Variants in OXR1 observed in about 807,000 individuals in gnomAD.
OXR1 encodes the protein oxidation resistance 1, also known as oxidation resistance protein 1.
In OXR1, 41 loss-of-function variants were observed where a neutral mutation model predicts 104.6. The observed-to-expected ratio is 0.39, with a 90% confidence interval of 0.31 to 0.51. The LOEUF (loss-of-function observed/expected upper bound fraction) is 0.51. Ranked by LOEUF, OXR1 falls within the 20% of genes least tolerant of loss-of-function variation. The probability of loss-of-function intolerance (pLI) is 0.77; values close to 1 mark genes in which losing one functional copy is unlikely to be tolerated. For synonymous variants in OXR1, 348 were observed against 348.4 expected (o/e 1.00, Z 0.01); for missense variants, 955 against 1,031.9 (o/e 0.93, Z 1.02).
In OXR1 at chr8:106,506,544, C is replaced by T. The variant is rs188887966; in HGVS notation, c.24-12399C>T. On this transcript the variant is annotated intron_variant, in intron 2 of 16. Coordinates refer to ENST00000517566, the MANE Select transcript of OXR1 (RefSeq NM_001198533.2). The stretch of plus-strand genomic sequence containing the variant: ...AGGAGAATGTTGTGAACCCAGGAGG[C>T]GGAGCTTGCAGTGAGCCTATCACGC... Among the ~76,000 whole-genome samples the T allele has an allele frequency of 5.0e-3, 761 of 152,092 alleles. 6 individuals are homozygous for T. The highest frequency in any genetic ancestry group is 0.018 in the African/African-American group (726 of 41,476).
intron 2 of OXR1, among the ~76,000 whole-genome samples, chr8:106,498,345 T>C (rs2129925335): frequency 6.6e-6 from 1 of 152,316 alleles, no homozygotes; most frequent in Middle Eastern, 3.4e-3. Context: ...CATTTTGCTT[T>C]GCAAATAAAT....
At chr8:106,537,243 A>G (rs915820134) in intron 3 of OXR1, among the ~76,000 whole-genome samples, 11 of 152,302 alleles carry the variant, frequency 7.2e-5, no homozygotes, top group Admixed American at 1.3e-4. Flanking sequence ...AAGGGACACA[A>G]TATTCAATCC....
intron 1 of OXR1, among the ~76,000 whole-genome samples, chr8:106,324,559 A>T (rs1229562690): frequency 6.6e-6 from 1 of 151,358 alleles, no homozygotes; most frequent in Non-Finnish European, 1.5e-5. Context: ...AAAAAAAAAA[A>T]CTTTAGAACT....
chr8:106,343,065 T>C (rs1563727926), intron 1 of OXR1, among the ~76,000 whole-genome samples: 1 of 152,160 alleles, frequency 6.6e-6, no homozygotes, highest in Non-Finnish European at 1.5e-5. Flanking sequence ...CTGTCCCTCC[T>C]CCTCCATCAC....
intron 2 of OXR1, among the ~76,000 whole-genome samples, chr8:106,488,552 T>G (rs190652128): frequency 1.1e-4 from 16 of 152,296 alleles, no homozygotes; most frequent in Admixed American, 9.8e-4. Context: ...ATTTTATGGT[T>G]TTAGGTCTAA....
chr8:106,578,751 C>A (rs1249563561), intron 3 of OXR1, among the ~76,000 whole-genome samples: 1 of 152,196 alleles, frequency 6.6e-6, no homozygotes, highest in African/African-American at 2.4e-5. Context: ...CCACTTGCAT[C>A]TGAGTTCTAG....
chr8:106,569,478 C>A (rs1216105697), intron 3 of OXR1, among the ~76,000 whole-genome samples: 5 of 152,240 alleles, frequency 3.3e-5, no homozygotes. Context: ...AAAAGCAAAT[C>A]ATCGCATCCT....
intron 1 of OXR1, among the ~76,000 whole-genome samples, chr8:106,335,932 C>A (rs1214260033): frequency 6.6e-6 from 1 of 151,978 alleles, no homozygotes; most frequent in Non-Finnish European, 1.5e-5. Flanking sequence ...ACTGTCTCTA[C>A]CAAAAATACA....
chr8:106,373,192 T>C (rs939395226), intron 2 of OXR1, among the ~76,000 whole-genome samples: 2 of 152,202 alleles, frequency 1.3e-5, no homozygotes, highest in Admixed American at 1.3e-4. Flanking sequence ...AACTTGAGTA[T>C]CCTTGGATTT....
chr8:106,510,224 T>TC (rs1434753598), intron 2 of OXR1, among the ~76,000 whole-genome samples: 1 of 152,240 alleles, frequency 6.6e-6, no homozygotes, highest in Non-Finnish European at 1.5e-5. Flanking sequence ...TTGTGGTTTT[T>TC]CCCCTGTAAT....
chr8:106,564,366 A>G (rs187739341), intron 3 of OXR1, among the ~76,000 whole-genome samples: 3 of 152,280 alleles, frequency 2.0e-5, no homozygotes, highest in African/African-American at 7.2e-5. Flanking sequence ...CTCTACGCAA[A>G]TAAACTAGAA....
chr8:106,649,398 C>G (rs373410358), intron 3 of OXR1, among the ~76,000 whole-genome samples: 1 of 151,766 alleles, frequency 6.6e-6, no homozygotes, highest in African/African-American at 2.4e-5. Context: ...AACAAATTTA[C>G]TATTATATAG....
At chr8:106,592,257 G>A (rs573456114) in intron 3 of OXR1, among the ~76,000 whole-genome samples, 1 of 152,134 alleles carries the variant, frequency 6.6e-6, no homozygotes, top group Non-Finnish European at 1.5e-5. Flanking sequence ...ATATTCTTGT[G>A]TGAGTAAACA....
intron 2 of OXR1, among the ~76,000 whole-genome samples, chr8:106,378,800 T>C (rs1016009204): frequency 6.6e-6 from 1 of 152,314 alleles, no homozygotes; most frequent in Admixed American, 6.5e-5. Context: ...TGAGCCACCA[T>C]GCCCGGCCTG....
chr8:106,616,780 T>C (rs898113151), intron 3 of OXR1, among the ~76,000 whole-genome samples: 2 of 152,220 alleles, frequency 1.3e-5, no homozygotes, highest in Non-Finnish European at 2.9e-5. Context: ...TTGTACTAAC[T>C]CTGCACGTGG....
chr8:106,703,552 A>T (rs1830782266), intron 8 of OXR1, among the ~76,000 whole-genome samples: 1 of 152,032 alleles, frequency 6.6e-6, no homozygotes, highest in Non-Finnish European at 1.5e-5. Context: ...ATATGTTTGC[A>T]ATCTTCTCTC....
chr8:106,296,768 G>A (rs1244953212), intron 1 of OXR1, among the ~76,000 whole-genome samples: 1 of 152,188 alleles, frequency 6.6e-6, no homozygotes, highest in Non-Finnish European at 1.5e-5. Flanking sequence ...AAAGGCTGAG[G>A]CAGGTTTAAG....
At chr8:106,385,346 T>A (rs1817331652) in intron 2 of OXR1, among the ~76,000 whole-genome samples, 1 of 152,216 alleles carries the variant, frequency 6.6e-6, no homozygotes, top group Non-Finnish European at 1.5e-5. Flanking sequence ...CTTATTGATA[T>A]TTTACAAATA....
chr8:106,466,918 AATG>A (rs1172866139), intron 2 of OXR1, among the ~76,000 whole-genome samples: 2 of 151,940 alleles, frequency 1.3e-5, no homozygotes, highest in Non-Finnish European at 2.9e-5. Flanking sequence ...ACAGCTGATA[AATG>A]ATGATACTTA....
Sources: gnomAD v4.1 joint callset for allele counts (sites outside exome capture counted in the v4.1 genomes callset) on GRCh38, gnomAD v4.1.1 for gene constraint, MANE v1.5 for transcripts, NCBI Gene and HGNC (gene_info 2026-07-23, HGNC 2026-07-21) for gene names.